The following SSBP1 variants were observed in gnomAD, a reference collection of about 807,000 sequenced individuals.
SSBP1 encodes single-stranded DNA-binding protein, mitochondrial.
SSBP1 carries 20 observed loss-of-function variants against 27.0 expected under a neutral mutation model. The ratio of observed to expected loss-of-function variants is 0.74; its 90% CI spans 0.52 to 1.08. The LOEUF (loss-of-function observed/expected upper bound fraction) is 1.08, where lower values mean the gene tolerates loss of function less well. Ranked by LOEUF, SSBP1 falls within the 50% of genes least tolerant of loss-of-function variation. The pLI, the probability that SSBP1 is intolerant of heterozygous loss-of-function variation, is 0.00. For missense variants in SSBP1, 137 were observed against 182.4 expected, an observed-to-expected ratio of 0.75 and a Z score of 1.44; for synonymous variants, 59 against 59.3, an observed-to-expected ratio of 1.00 and a Z score of 0.02.
intron 3 of SSBP1, 51 bp from the exon 4 acceptor site, chr7:141,743,510 C>T: frequency 6.3e-7 from 1 of 1,593,502 alleles, no homozygotes; most frequent in Non-Finnish European, 8.6e-7. Flanking sequence ...AGGGGCACAA[C>T]TATTCAGTCT....
chr7:141,742,045 T>C (rs1475173770), intron 2 of SSBP1, 124 bp from the exon 3 acceptor site: 2 of 716,320 alleles, frequency 2.8e-6, no homozygotes, highest in Non-Finnish European at 4.6e-6. Flanking sequence ...GAGAAGAGCT[T>C]CTCTTCTCTT....
intron 6 of SSBP1, among the ~76,000 whole-genome samples, chr7:141,748,799 AT>A (rs1036937643): frequency 6.6e-6 from 1 of 151,604 alleles, no homozygotes; most frequent in African/African-American, 2.4e-5. Flanking sequence ...TTTATTGGTG[AT>A]TTTTTTTTCT....
At position 141,745,528 on chromosome 7, in the gene SSBP1, A is replaced by G; in HGVS notation, c.347A>G (p.Tyr116Cys). The G allele has an allele frequency of 6.2e-7, 1 of 1,609,690 alleles. No homozygotes were observed. Among genetic ancestry groups the G allele is most frequent in the South Asian group, 1.1e-5 (1 of 90,630 alleles). ...SRIYLEGKID[Y>C]GEYMDKNNVR... ...ATTTATTTGGAAGGGAAAATAGACTATGGTGAATACATGGATAAAAATAAT... is the reference window on the plus strand; with the variant it reads ...ATTTATTTGGAAGGGAAAATAGACTGTGGTGAATACATGGATAAAAATAAT... Residue 116 changes from tyrosine to cysteine, a missense_variant, in exon 6 of 7, where the codon TAT becomes TGT. This residue lies in a region of SSBP1 where 95 missense variants were observed against 152.0 expected (regional missense o/e 0.62). Transcript: ENST00000265304.
rs1401708463 is a variant in SSBP1, at chr7:141,750,314, ATAT to A, written c.411_413del (p.Ile138del). 2 of 1,595,402 alleles carry A rather than the reference ATAT, an allele frequency of 1.3e-6. No individual in the cohort carries two copies. The highest frequency in any genetic ancestry group is 1.4e-5 in the African/African-American group (1 of 73,710). Reference sequence around the variant, plus strand: ...TTACATTTTGGCTTTTTTACAGATAATATTATATTTCTGAGTGACCAGACGAAA... The same window carrying A: ...TTACATTTTGGCTTTTTTACAGATAATATATTTCTGAGTGACCAGACGAAA... On this transcript the variant is annotated inframe_deletion, in exon 7 of 7. Transcript: ENST00000265304.
At chr7:141,745,244 T>C (rs759669549) in intron 5 of SSBP1, among the ~76,000 whole-genome samples, 22 of 152,218 alleles carry the variant, frequency 1.4e-4, no homozygotes, top group Non-Finnish European at 2.6e-4. Context: ...ACTGTTTTGT[T>C]TTATTTTTTA....
intron 6 of SSBP1, among the ~76,000 whole-genome samples, chr7:141,747,091 C>G (rs149165316): frequency 6.6e-6 from 1 of 152,100 alleles, no homozygotes; most frequent in Non-Finnish European, 1.5e-5. Flanking sequence ...AATTCTATGA[C>G]AAATTCTTCT....
At chr7:141,742,384 T>A (rs1477169126) in intron 3 of SSBP1, among the ~76,000 whole-genome samples, 155 bp downstream of exon 3, 1 of 152,228 alleles carries the variant, frequency 6.6e-6, no homozygotes, top group Non-Finnish European at 1.5e-5. Context: ...CACATCAGGC[T>A]GTGGAGACAT....
At position 141,742,428 on chromosome 7, in the gene SSBP1, C is replaced by T. The variant is rs1039326709; in HGVS notation, c.85+199C>T. On this transcript the variant is annotated intron_variant, in intron 3 of 6. Coordinates refer to ENST00000265304, the MANE Select transcript of SSBP1 (RefSeq NM_003143.3). ...CTGAGCCCCTGTTCTCCTTATCAGC[C>T]AGTTACTACTCATTCTTGTCAACAC... Among the ~76,000 whole-genome samples the T allele has an allele frequency of 2.8e-4, 42 of 152,164 alleles. 1 individual carries two copies. The highest frequency in any genetic ancestry group is 9.9e-4 in the African/African-American group (41 of 41,434).
In SSBP1 at chr7:141,746,898, T is replaced by TA. The variant is rs763635771; in HGVS notation, c.403+1321dup. The stretch of plus-strand genomic sequence containing the variant: ...TAGCAATGTGATACCTACTATCCTG[T>TA]AAAAAAATACCAGTTCAGCATTTGG... On this transcript the variant is annotated intron_variant, in intron 6 of 6. Transcript: ENST00000265304. Among the ~76,000 whole-genome samples, 38 of 152,326 alleles carry TA rather than the reference T, an allele frequency of 2.5e-4. 1 individual carries two copies. The highest frequency in any genetic ancestry group is 8.9e-4 in the African/African-American group (37 of 41,582).
At chr7:141,745,974 C>T (rs1563029324) in intron 6 of SSBP1, 1 of 997,890 alleles carries the variant, frequency 1.0e-6, no homozygotes, top group South Asian at 4.7e-5. Context: ...TATTCGGAAC[C>T]TCTTTGGTAC....
intron 2 of SSBP1, 107 bp downstream of exon 2, chr7:141,739,297 C>G (rs959411853): frequency 1.2e-6 from 1 of 819,474 alleles, no homozygotes; most frequent in Non-Finnish European, 1.8e-6. Context: ...TTGAGCTCAC[C>G]CACCCACCTC....
chr7:141,745,882 A>C lies in SSBP1; in HGVS notation c.403+298A>C, dbSNP rs17162448. 3.5e-3 allele frequency: 3,830 copies of C among 1,100,094 alleles called. 116 individuals are homozygous for C. In the African/African-American group the frequency reaches 0.057, roughly 16 times the overall value. The allele number at this position is 1,100,094 out of a possible 1,614,324, so 68.1% of individuals were successfully genotyped here. A position where few individuals can be genotyped will look rare whatever the true frequency, so the allele number is the denominator to read the frequency against. The stretch of plus-strand genomic sequence containing the variant: ...TGAGAATTACAAAAACTCTGAATGT[A>C]TTGTCTTTTGGAAGGATCTAGCCCT... On this transcript the variant is annotated intron_variant, in intron 6 of 6. Coordinates refer to ENST00000265304, the MANE Select transcript of SSBP1 (RefSeq NM_003143.3).
chr7:141,747,433 C>T (rs1217298803), intron 6 of SSBP1, among the ~76,000 whole-genome samples: 6 of 145,582 alleles, frequency 4.1e-5, no homozygotes, highest in African/African-American at 7.6e-5. Flanking sequence ...TCTGTTGCCC[C>T]GGCTAGAGTA....
intron 6 of SSBP1, among the ~76,000 whole-genome samples, chr7:141,746,923 G>A (rs1357120862): frequency 6.6e-6 from 1 of 152,186 alleles, no homozygotes; most frequent in East Asian, 1.9e-4. Flanking sequence ...TCAGCATTTG[G>A]AAATTTTCCA....
chr7:141,740,644 A>T (rs903719373), intron 2 of SSBP1: 1 of 152,232 alleles, frequency 6.6e-6, no homozygotes, highest in Non-Finnish European at 1.5e-5. Context: ...TGCTGCTATT[A>T]TGTGGTAGTG....
intron 6 of SSBP1, among the ~76,000 whole-genome samples, chr7:141,747,412 C>T (rs1447191704): frequency 1.8e-5 from 2 of 111,554 alleles, no homozygotes; most frequent in African/African-American, 6.9e-5. Flanking sequence ...TTTTTTGAGA[C>T]AGCGTCTCAC....
chr7:141,743,720 G>A lies in SSBP1; in HGVS notation c.226+19G>A, dbSNP rs367833670. The A allele has an allele frequency of 1.6e-5, 25 of 1,608,950 alleles. No individual in the cohort carries two copies. In the African/African-American group the frequency reaches 3.4e-4, roughly 22 times the overall value. ...CAACTGGGTGAGTACAAAAGACTGG[G>A]GTTTTAATTTTATCAGCAATAAATA... On this transcript the variant is annotated intron_variant, in intron 4 of 6. Coordinates refer to ENST00000265304, the MANE Select transcript of SSBP1 (RefSeq NM_003143.3).
At chr7:141,743,488 A>G (rs1799647042) in intron 3 of SSBP1, 73 bp from the exon 4 acceptor site, 2 of 1,554,914 alleles carry the variant, frequency 1.3e-6, no homozygotes, top group Non-Finnish European at 1.7e-6. Context: ...TCAACATACA[A>G]ATTTTGGGGG....
rs1419348899 is a variant in SSBP1 at position 141,739,143 on chromosome 7, CTG to C, written c.-22_-21del. 4 of 1,587,582 alleles carry C rather than the reference CTG, an allele frequency of 2.5e-6. No homozygotes were observed. Among genetic ancestry groups the C allele is most frequent in the Admixed American group, 1.8e-5 (1 of 55,104 alleles). On this transcript the variant is annotated 5_prime_UTR_variant, in exon 2 of 7. Coordinates refer to ENST00000265304, the MANE Select transcript of SSBP1 (RefSeq NM_003143.3). ...CTTCAGGAAAAGCCTAAAGATTAGACTGTAAGAAAAGAAAATAGAAGCCATGT... is the reference window on the plus strand; with the variant it reads ...CTTCAGGAAAAGCCTAAAGATTAGACTAAGAAAAGAAAATAGAAGCCATGT...
Sources: allele counts gnomAD v4.1 joint callset (sites outside exome capture counted in the v4.1 genomes callset), GRCh38; gene constraint gnomAD v4.1.1; regional missense constraint gnomAD v4.1.1; transcripts MANE v1.5; gene names NCBI Gene and HGNC (gene_info 2026-07-23, HGNC 2026-07-21).